The following PTH2R variants were observed in gnomAD, a reference collection of about 807,000 sequenced individuals.
PTH2R encodes parathyroid hormone 2 receptor.
Under a neutral mutation model 60.3 loss-of-function variants are expected in PTH2R, and 59 were observed. The observed-to-expected ratio is 0.98, with a 90% confidence interval of 0.79 to 1.22. The LOEUF is 1.22. PTH2R is among the 50% of genes most tolerant of loss of function. The pLI, the probability that PTH2R is intolerant of heterozygous loss-of-function variation, is 0.00. For missense variants in PTH2R, 749 were observed against 682.6 expected, an observed-to-expected ratio of 1.10 and a Z score of -1.08; for synonymous variants, 256 against 243.8, an observed-to-expected ratio of 1.05 and a Z score of -0.47.
At chr2:208,411,845 T>C (rs181416629) in intron 1 of PTH2R, among the ~76,000 whole-genome samples, 2 of 152,350 alleles carry the variant, frequency 1.3e-5, no homozygotes, top group Non-Finnish European at 2.9e-5. Flanking sequence ...CATCTACTCA[T>C]AGAATGTGAG....
chr2:208,461,239 C>T (rs577394550), intron 9 of PTH2R, among the ~76,000 whole-genome samples: 94 of 152,078 alleles, frequency 6.2e-4, no homozygotes, highest in African/African-American at 2.2e-3. Context: ...TGTATAAACA[C>T]CTGTAATTTT....
intron 1 of PTH2R, among the ~76,000 whole-genome samples, chr2:208,374,593 C>T (rs1275615163): frequency 6.6e-6 from 1 of 152,078 alleles, no homozygotes; most frequent in African/African-American, 2.4e-5. Flanking sequence ...ACCTCCACCT[C>T]CCAGGTTCAA....
chr2:208,462,571 A>T (rs1702655362), intron 9 of PTH2R, among the ~76,000 whole-genome samples: 1 of 152,236 alleles, frequency 6.6e-6, no homozygotes, highest in African/African-American at 2.4e-5. Flanking sequence ...ATACACAGTG[A>T]ACCCAAGTTG....
rs1703472530 is a variant in PTH2R at position 208,493,944 on chromosome 2, G to GA, written c.*291dup. On this transcript the variant is annotated 3_prime_UTR_variant, in exon 13 of 13. Coordinates refer to ENST00000272847, the MANE Select transcript of PTH2R (RefSeq NM_005048.4). ...CATTTTTTTCTGCTACTTTTGGGTA[G>GA]AAAAAAGATTCAATTGCTTGGCTGT... 3.7e-6 allele frequency: 1 copy of GA among 267,602 alleles called. No homozygotes were observed. Among genetic ancestry groups the GA allele is most frequent in the Non-Finnish European group, 7.0e-6 (1 of 143,406 alleles). The allele number at this position is 267,602 out of a possible 1,614,324, so 16.6% of individuals were successfully genotyped here. A position where few individuals can be genotyped will look rare whatever the true frequency, so the allele number is the denominator to read the frequency against.
intron 1 of PTH2R, among the ~76,000 whole-genome samples, chr2:208,366,402 G>T (rs953304863): frequency 6.6e-6 from 1 of 151,974 alleles, no homozygotes; most frequent in Non-Finnish European, 1.5e-5. Flanking sequence ...GCAGAATTAG[G>T]AATTGAAACT....
chr2:208,493,773 C>T lies in PTH2R; in HGVS notation c.*114C>T. 1.6e-6 allele frequency: 2 copies of T among 1,240,886 alleles called. No homozygotes were observed. The highest frequency in any genetic ancestry group is 2.2e-6 in the Non-Finnish European group (2 of 916,612). 76.9% of individuals were successfully genotyped at this position (1,240,886 alleles called of 1,614,324 possible). A position where few individuals can be genotyped will look rare whatever the true frequency, so the allele number is the denominator to read the frequency against. On this transcript the variant is annotated 3_prime_UTR_variant, in exon 13 of 13. Coordinates refer to ENST00000272847, the MANE Select transcript of PTH2R (RefSeq NM_005048.4). ...GGCTGAAAATTCAGTTAAGGTGTTACTTAATAATAGTTTTTAGGCTCCATG... is the reference window on the plus strand; with the variant it reads ...GGCTGAAAATTCAGTTAAGGTGTTATTTAATAATAGTTTTTAGGCTCCATG...
rs565137394 is a variant in PTH2R at position 208,436,999 on chromosome 2, G to T, written c.179-538G>T. On this transcript the variant is annotated intron_variant, in intron 2 of 12. Coordinates refer to ENST00000272847, the MANE Select transcript of PTH2R (RefSeq NM_005048.4). ...GTGGTGACAGTAGATGTTGTGAGAA[G>T]TGATGAAGTTCTGGATTCATCTTGA... is the stretch of plus-strand genomic sequence containing the variant. Among the ~76,000 whole-genome samples the T allele has an allele frequency of 1.9e-4, 29 of 152,320 alleles. No individual in the cohort carries two copies. The South Asian group carries it at 2.5e-3, about 13-fold the overall frequency.
rs770840668 is a variant in PTH2R at position 208,490,685 on chromosome 2, G to T, written c.1257+5G>T. 8 of 1,607,708 alleles carry T rather than the reference G, an allele frequency of 5.0e-6. No individual in the cohort carries two copies. The highest frequency in any genetic ancestry group is 2.3e-5 in the East Asian group (1 of 44,432). ...TACTGCTACTGCAATGGAGAGGTAG[G>T]TTTGTAGGAACCTTGGACAGGTCTC... is the stretch of plus-strand genomic sequence containing the variant. On this transcript the variant is annotated splice_donor_5th_base_variant and intron_variant, in intron 12 of 12. Coordinates refer to ENST00000272847, the MANE Select transcript of PTH2R (RefSeq NM_005048.4).
At chr2:208,387,322 T>G (rs1701020057) in intron 1 of PTH2R, among the ~76,000 whole-genome samples, 1 of 152,162 alleles carries the variant, frequency 6.6e-6, no homozygotes, top group Non-Finnish European at 1.5e-5. Flanking sequence ...ATGGTTTATT[T>G]AAATCATAAA....
intron 1 of PTH2R, among the ~76,000 whole-genome samples, chr2:208,427,374 T>C (rs192882469): frequency 1.3e-5 from 2 of 152,354 alleles, no homozygotes; most frequent in African/African-American, 4.8e-5. Flanking sequence ...TGTGAGATTT[T>C]AGGCTCACTT....
Position 208,406,844 on chromosome 2 carries a change from A to C in PTH2R, c.-200A>C. ...CAAGACCAACCTCGCGCCGCGGCGCAGCAGCACGCGGGTTCTGAGAAGCGC... is the reference window on the plus strand; with the variant it reads ...CAAGACCAACCTCGCGCCGCGGCGCCGCAGCACGCGGGTTCTGAGAAGCGC... On this transcript the variant is annotated 5_prime_UTR_variant, in exon 1 of 13. Transcript: ENST00000272847. 1 of 401,568 alleles carries C rather than the reference A, an allele frequency of 2.5e-6. No individual in the cohort carries two copies. Among genetic ancestry groups the C allele is most frequent in the Non-Finnish European group, 4.4e-6 (1 of 228,060 alleles). The allele number at this position is 401,568 out of a possible 1,614,324, so 24.9% of individuals were successfully genotyped here.
rs747339384 is a variant in PTH2R, at chr2:208,493,568, G to A, written c.1562G>A (p.Gly521Glu). 4.3e-6 allele frequency: 7 copies of A among 1,613,402 alleles called. No individual in the cohort carries two copies. The highest frequency in any genetic ancestry group is 5.9e-6 in the Non-Finnish European group (7 of 1,179,652). Residue 521 changes from glycine (G) to glutamate (E), a missense_variant, in exon 13 of 13, where the codon GGA becomes GAA. Transcript: ENST00000272847. The stretch of plus-strand genomic sequence containing the variant: ...ACCAAGGAAGATAGTGGGAGGCAGG[G>A]AGATGATATTCTAATGGAGAAGCCT... ...EETKEDSGRQ[G>E]DDILMEKPSR...
At chr2:208,369,427 C>G (rs190201476) in intron 1 of PTH2R, among the ~76,000 whole-genome samples, 17 of 149,148 alleles carry the variant, frequency 1.1e-4, no homozygotes, top group African/African-American at 4.3e-4. Context: ...AGGGCAGTGG[C>G]ACAATCTCAG....
intron 1 of PTH2R, among the ~76,000 whole-genome samples, chr2:208,415,198 G>A (rs1230844979): frequency 6.6e-6 from 1 of 152,138 alleles, no homozygotes; most frequent in East Asian, 1.9e-4. Context: ...AGGGGAAACT[G>A]AGTGTTTATG....
chr2:208,446,791 C>A (rs764600534), intron 7 of PTH2R, among the ~76,000 whole-genome samples: 4 of 152,212 alleles, frequency 2.6e-5, no homozygotes, highest in Non-Finnish European at 4.4e-5. Context: ...TATCTCAACA[C>A]TGAGAGACTG....
intron 1 of PTH2R, among the ~76,000 whole-genome samples, chr2:208,415,204 T>C (rs10172975): frequency 0.014 from 2,139 of 152,284 alleles, 58 homozygotes; most frequent in African/African-American, 0.049. Context: ...AACTGAGTGT[T>C]TATGGGAACT....
intron 1 of PTH2R, among the ~76,000 whole-genome samples, chr2:208,377,415 G>A (rs1207412421): frequency 2.6e-5 from 4 of 151,978 alleles, no homozygotes; most frequent in Non-Finnish European, 4.4e-5. Context: ...TGGTGGCCGG[G>A]CAGAGGGGCT....
intron 10 of PTH2R, among the ~76,000 whole-genome samples, chr2:208,487,147 T>C (rs1429351561): frequency 6.6e-6 from 1 of 152,204 alleles, no homozygotes; most frequent in Non-Finnish European, 1.5e-5. Flanking sequence ...AAAGTGTATG[T>C]ACATGGAAGA....
At chr2:208,399,774 A>G (rs933987628) in intron 1 of PTH2R, among the ~76,000 whole-genome samples, 8 of 152,206 alleles carry the variant, frequency 5.3e-5, no homozygotes, top group African/African-American at 1.7e-4. Context: ...TCTGAGTCCT[A>G]TGAGTCCTTC....
Sources: gnomAD v4.1 joint callset for allele counts (sites outside exome capture counted in the v4.1 genomes callset) on GRCh38, gnomAD v4.1.1 for gene constraint, MANE v1.5 for transcripts, NCBI Gene and HGNC (gene_info 2026-07-23, HGNC 2026-07-21) for gene names.